The following CD33 variants were observed in gnomAD, a reference collection of about 807,000 sequenced individuals.
CD33 encodes CD33 molecule, also known as myeloid cell surface antigen CD33.
Under a neutral mutation model 31.4 loss-of-function variants are expected in CD33, and 25 were observed. The ratio of observed to expected loss-of-function variants is 0.80; its 90% CI spans 0.58 to 1.11. CD33 has a LOEUF of 1.11. Ranked by LOEUF, CD33 falls within the 50% of genes most tolerant of loss-of-function variation. The probability of loss-of-function intolerance (pLI) is 0.00; values close to 1 mark genes in which losing one functional copy is unlikely to be tolerated. For missense variants in CD33, 407 were observed against 448.1 expected (o/e 0.91, Z 0.83); for synonymous variants, 176 against 180.6 (o/e 0.97, Z 0.20).
At chr19:51,223,935 T>A (rs1240936131), upstream of CD33, among the ~76,000 whole-genome samples, 1 of 152,062 alleles carries the variant, frequency 6.6e-6, no homozygotes, top group East Asian at 1.9e-4. Flanking sequence ...AGGCTATGGA[T>A]GGGGAGTATC....
At chr19:51,226,639 G>C (rs1161188006) in intron 4 of CD33, among the ~76,000 whole-genome samples, 1 of 152,088 alleles carries the variant, frequency 6.6e-6, no homozygotes, top group Non-Finnish European at 1.5e-5. Context: ...GCATAGTGAT[G>C]TTTCCATACT....
At chr19:51,238,252 C>T (rs1189075387) in intron 6 of CD33, 1 of 152,158 alleles carries the variant, frequency 6.6e-6, no homozygotes, top group Admixed American at 6.5e-5. Flanking sequence ...GTATATCAAA[C>T]ATTATTTTGG....
rs142611321 is a variant in CD33 at position 51,227,771 on chromosome 19, T to A, written c.745+1415T>A. On this transcript the variant is annotated intron_variant, in intron 4 of 6. Transcript: ENST00000262262. ...GCTTTTGTTGCTTGTGCTAGTGAGG[T>A]CTTACTCATAAAATATTTTTCCAGA... is the stretch of plus-strand genomic sequence containing the variant. 5.3e-3 allele frequency among the ~76,000 whole-genome samples: 810 copies of A among 152,288 alleles called. 6 individuals carry two copies. The highest frequency in any genetic ancestry group is 8.1e-3 in the Non-Finnish European group (549 of 68,000).
At chr19:51,218,934 G>A in the CD33 span, among the ~76,000 whole-genome samples, 2 of 152,102 alleles carry the variant, frequency 1.3e-5, no homozygotes, top group East Asian at 3.8e-4. Flanking sequence ...TAGCCTTGTG[G>A]CATAATTTGA....
chr19:51,227,471 T>C (rs373755815), intron 4 of CD33, among the ~76,000 whole-genome samples: 11 of 152,352 alleles, frequency 7.2e-5, no homozygotes, highest in Admixed American at 2.0e-4. Context: ...TGGTGATTGG[T>C]GACGTTGAGC....
chr19:51,211,977 TG>T, the CD33 span: 3 of 1,200,442 alleles, frequency 2.5e-6, no homozygotes, highest in Non-Finnish European at 3.7e-6. Context: ...GATCATCCCA[TG>T]GCCCCAGGAC....
At chr19:51,222,385 A>G (rs2123146744), upstream of CD33, among the ~76,000 whole-genome samples, 1 of 152,352 alleles carries the variant, frequency 6.6e-6, no homozygotes, top group South Asian at 2.1e-4. Flanking sequence ...CTGACTATTT[A>G]TCTTCCTGTG....
chr19:51,237,725 T>A (rs138918880), intron 6 of CD33: 2 of 152,342 alleles, frequency 1.3e-5, no homozygotes, highest in East Asian at 3.9e-4. Context: ...TATTGCAGGA[T>A]CCTAAGTCCA....
chr19:51,223,846 G>A (rs1020580528), upstream of CD33, among the ~76,000 whole-genome samples: 3 of 152,158 alleles, frequency 2.0e-5, no homozygotes, highest in African/African-American at 7.2e-5. Flanking sequence ...TTTCCAATAT[G>A]CTACCATGAT....
At chr19:51,214,749 G>A in the CD33 span, among the ~76,000 whole-genome samples, 1 of 152,152 alleles carries the variant, frequency 6.6e-6, no homozygotes, top group African/African-American at 2.4e-5. Flanking sequence ...CCAAATCCAT[G>A]ATTTGCTAAT....
At chr19:51,218,895 A>G in the CD33 span, among the ~76,000 whole-genome samples, 4 of 152,114 alleles carry the variant, frequency 2.6e-5, no homozygotes, top group Non-Finnish European at 4.4e-5. Flanking sequence ...GTCTATTTTT[A>G]TACCAGTACC....
At chr19:51,219,680 T>C in the CD33 span, among the ~76,000 whole-genome samples, 16 of 152,222 alleles carry the variant, frequency 1.1e-4, no homozygotes, top group Admixed American at 9.8e-4. Context: ...ATGGCTCTTA[T>C]TATTTTGAGA....
At chr19:51,213,091 T>C in the CD33 span, among the ~76,000 whole-genome samples, 1 of 152,208 alleles carries the variant, frequency 6.6e-6, no homozygotes, top group Non-Finnish European at 1.5e-5. Flanking sequence ...TTGTGAAATA[T>C]GGCAAAATTT....
At chr19:51,214,406 C>G in the CD33 span, among the ~76,000 whole-genome samples, 1 of 151,300 alleles carries the variant, frequency 6.6e-6, no homozygotes, top group Non-Finnish European at 1.5e-5. Flanking sequence ...CCATGTTGGT[C>G]AGGCTGGTCT....
the CD33 span, among the ~76,000 whole-genome samples, chr19:51,216,438 C>T: frequency 1.3e-5 from 2 of 151,940 alleles, no homozygotes; most frequent in African/African-American, 4.8e-5. Context: ...GGCTGGGCAT[C>T]GTGGCTCACA....
chr19:51,238,812 C>T (rs1293981531), intron 6 of CD33: 2 of 152,210 alleles, frequency 1.3e-5, no homozygotes, highest in Non-Finnish European at 2.9e-5. Context: ...TGGGCCTGCA[C>T]CAGCAAATGG....
chr19:51,213,592 G>A, the CD33 span, among the ~76,000 whole-genome samples: 8 of 151,022 alleles, frequency 5.3e-5, no homozygotes, highest in South Asian at 2.1e-4. Context: ...GCTGGAGCAC[G>A]GTGACACAAT....
At position 51,225,390 on chromosome 19, in the gene CD33, C is replaced by G. The variant is rs1555740473; in HGVS notation, c.210C>G (p.Asp70Glu). 1.9e-6 allele frequency: 3 copies of G among 1,614,070 alleles called. No individual in the cohort carries two copies. Among genetic ancestry groups the G allele is most frequent in the African/African-American group, 2.7e-5 (2 of 74,928 alleles). ...WFREGAIISR[D>E]SPVATNKLDQ... ...GGGAAGGAGCCATTATATCCAGGGA[C>G]TCTCCAGTGGCCACAAACAAGCTAG... The change falls in exon 2 of 7, where the codon GAC becomes GAG. Residue 70 changes from aspartate (D) to glutamate (E), a missense_variant. Asp to Glu is a conservative substitution (Grantham distance 45, BLOSUM62 2). Coordinates refer to ENST00000262262, the MANE Select transcript of CD33 (RefSeq NM_001772.4).
chr19:51,227,741 C>A (rs905187004), intron 4 of CD33, among the ~76,000 whole-genome samples: 1 of 152,070 alleles, frequency 6.6e-6, no homozygotes, highest in Non-Finnish European at 1.5e-5. Context: ...CATTTATTTA[C>A]TTTTGCTTTT....
Sources: allele counts gnomAD v4.1 joint callset (sites outside exome capture counted in the v4.1 genomes callset), GRCh38; gene constraint gnomAD v4.1.1; transcripts MANE v1.5; gene names NCBI Gene and HGNC (gene_info 2026-07-23, HGNC 2026-07-21).